Variants in ELAPOR2 observed in about 807,000 individuals in gnomAD.
The protein encoded by ELAPOR2 is endosome-lysosome associated apoptosis and autophagy regulator family member 2.
ELAPOR2 carries 89 observed loss-of-function variants against 120.7 expected under a neutral mutation model. The observed-to-expected ratio is 0.74, with a 90% CI of 0.62 to 0.88. The LOEUF (loss-of-function observed/expected upper bound fraction) is 0.88, where lower values mean the gene tolerates loss of function less well. Among genes scored for constraint, ELAPOR2 ranks in the 40% least tolerant of loss-of-function variants. ELAPOR2 has a pLI of 0.00. For missense variants in ELAPOR2, 1,134 were observed against 1,251.6 expected (o/e 0.91, Z 1.42); for synonymous variants, 444 against 444.9 (o/e 1.00, Z 0.03).
chr7:86,991,694 C>T (rs1635037), intron 1 of ELAPOR2, among the ~76,000 whole-genome samples: 57,546 of 152,006 alleles, frequency 0.38, 11,745 homozygotes, highest in African/African-American at 0.53. Context: ...TTAAAGGCTC[C>T]ATGAAGTCAT....
chr7:86,896,915 T>C (rs1788463303), intron 19 of ELAPOR2, among the ~76,000 whole-genome samples: 1 of 151,976 alleles, frequency 6.6e-6, no homozygotes, highest in Non-Finnish European at 1.5e-5. Flanking sequence ...TGCTACAGAG[T>C]TATGTACAAA....
Position 87,052,981 on chromosome 7 carries a change from A to G in ELAPOR2, c.189+6344T>C, listed in dbSNP as rs182831163. ...CCAGCTGATTTTTTTATTTTTTTGT[A>G]GAGACAGGGTCTTGCTATGTTGCCC... On this transcript the variant is annotated intron_variant, in intron 1 of 21. Coordinates refer to ENST00000450689, the MANE Select transcript of ELAPOR2 (RefSeq NM_001142749.3). Among the ~76,000 whole-genome samples, 7 of 151,818 alleles carry G rather than the reference A, an allele frequency of 4.6e-5. No homozygotes were observed. The East Asian group carries it at 1.4e-3, about 29-fold the overall frequency.
chr7:86,932,752 G>C (rs149402145), intron 8 of ELAPOR2, among the ~76,000 whole-genome samples: 1 of 151,806 alleles, frequency 6.6e-6, no homozygotes, highest in Admixed American at 6.6e-5. Context: ...AATAGCTGTC[G>C]CATTTTTTAT....
chr7:87,059,228 G>T, intron 1 of ELAPOR2, 97 bp downstream of exon 1: 1 of 1,233,246 alleles, frequency 8.1e-7, no homozygotes. Context: ...CAAAGGAAAA[G>T]GGGATGGCAA....
At chr7:86,910,397 G>A (rs956836557) in intron 15 of ELAPOR2, among the ~76,000 whole-genome samples, 2 of 152,114 alleles carry the variant, frequency 1.3e-5, no homozygotes, top group Non-Finnish European at 2.9e-5. Flanking sequence ...CAAAGAAAAA[G>A]TGTTGGTCTT....
intron 1 of ELAPOR2, among the ~76,000 whole-genome samples, chr7:87,004,031 A>G (rs762890655): frequency 7.2e-5 from 11 of 152,150 alleles, no homozygotes; most frequent in Admixed American, 2.0e-4. Flanking sequence ...CTACAAAGCC[A>G]TCTAAAAAGT....
intron 15 of ELAPOR2, 55 bp from the exon 16 acceptor site, chr7:86,910,056 T>G (rs1245710683): frequency 7.4e-7 from 1 of 1,350,948 alleles, no homozygotes; most frequent in Non-Finnish European, 1.0e-6. Flanking sequence ...TCTCTAAACT[T>G]AATCTTGACT....
At chr7:87,040,654 AAG>A (rs912501227) in intron 1 of ELAPOR2, among the ~76,000 whole-genome samples, 47 of 152,338 alleles carry the variant, frequency 3.1e-4, no homozygotes, top group African/African-American at 1.1e-3. Flanking sequence ...TAAAACCACA[AAG>A]AGGGGAAAAA....
intron 15 of ELAPOR2, among the ~76,000 whole-genome samples, chr7:86,911,158 A>C (rs956540818): frequency 1.2e-4 from 18 of 152,284 alleles, no homozygotes; most frequent in African/African-American, 3.8e-4. Context: ...CAATGGAATT[A>C]ATCTTATTCA....
chr7:86,950,720 C>A (rs1791210416), intron 2 of ELAPOR2, among the ~76,000 whole-genome samples: 1 of 152,300 alleles, frequency 6.6e-6, no homozygotes, highest in South Asian at 2.1e-4. Flanking sequence ...CAGCGTGGGA[C>A]CCAGGCCAGT....
intron 1 of ELAPOR2, among the ~76,000 whole-genome samples, chr7:86,992,482 T>C (rs1272866384): frequency 1.3e-5 from 2 of 152,098 alleles, no homozygotes; most frequent in African/African-American, 4.8e-5. Context: ...TTCCAAGATA[T>C]CAAAAAATAG....
At chr7:86,978,149 G>A (rs138410151) in intron 1 of ELAPOR2, among the ~76,000 whole-genome samples, 6 of 152,070 alleles carry the variant, frequency 3.9e-5, no homozygotes, top group African/African-American at 1.2e-4. Flanking sequence ...AGTGAGTCTC[G>A]TGAGGTCTGA....
At chr7:86,915,356 T>C (rs1294630370) in intron 12 of ELAPOR2, among the ~76,000 whole-genome samples, 1 of 152,016 alleles carries the variant, frequency 6.6e-6, no homozygotes, top group African/African-American at 2.4e-5. Flanking sequence ...AGGGTGACTT[T>C]ATCCAAGTGC....
chr7:86,948,005 A>C, intron 2 of ELAPOR2, 83 bp from the exon 3 acceptor site: 2 of 941,612 alleles, frequency 2.1e-6, no homozygotes. Flanking sequence ...AATTATTTTT[A>C]TAAAACTCTG....
intron 1 of ELAPOR2, among the ~76,000 whole-genome samples, chr7:87,052,519 T>C (rs1199212453): frequency 6.6e-6 from 1 of 152,180 alleles, no homozygotes. Context: ...CTGAGCGCAA[T>C]GGTTCTTGCT....
chr7:86,884,460 G>A (rs530788664), intron 21 of ELAPOR2, among the ~76,000 whole-genome samples: 9 of 152,080 alleles, frequency 5.9e-5, no homozygotes, highest in Non-Finnish European at 1.2e-4. Flanking sequence ...AACTGAACCC[G>A]GATTGAAAAT....
At chr7:86,908,958 C>T (rs2116048693) in intron 16 of ELAPOR2, among the ~76,000 whole-genome samples, 1 of 151,994 alleles carries the variant, frequency 6.6e-6, no homozygotes, top group Middle Eastern at 3.4e-3. Flanking sequence ...ACATATTTGA[C>T]AAAGCAAAAA....
intron 18 of ELAPOR2, among the ~76,000 whole-genome samples, 197 bp from the exon 19 acceptor site, chr7:86,897,829 A>G (rs1185150496): frequency 6.6e-6 from 1 of 152,198 alleles, no homozygotes; most frequent in East Asian, 1.9e-4. Flanking sequence ...GGCTGGAATC[A>G]AAAAGATAAT....
rs1799313319 is a variant in ELAPOR2 at position 86,879,780 on chromosome 7, T to C, written c.*691A>G. ...CTTCTCGTTACCTTTCTTACTTTTT[T>C]GTTTTTTAGATTCCTTCAAACTTTC... On this transcript the variant is annotated 3_prime_UTR_variant, in exon 22 of 22. Transcript: ENST00000450689. The C allele has an allele frequency of 6.6e-6, 1 of 152,230 alleles. No homozygotes were observed. Among genetic ancestry groups the C allele is most frequent in the Non-Finnish European group, 1.5e-5 (1 of 68,044 alleles). 9.4% of individuals were successfully genotyped at this position (152,230 alleles called of 1,614,324 possible). A position where few individuals can be genotyped will look rare whatever the true frequency, so the allele number is the denominator to read the frequency against.
Sources: gnomAD v4.1 joint callset for allele counts (sites outside exome capture counted in the v4.1 genomes callset) on GRCh38, gnomAD v4.1.1 for gene constraint, MANE v1.5 for transcripts, NCBI Gene and HGNC (gene_info 2026-07-23, HGNC 2026-07-21) for gene names.